The following UNC79 variants were observed in gnomAD, a reference collection of about 807,000 sequenced individuals.
The protein encoded by UNC79 is unc-79 subunit of NALCN channel complex, also known as protein unc-79 homolog.
Under a neutral mutation model 283.1 loss-of-function variants are expected in UNC79, and 37 were observed. That is an observed-to-expected ratio of 0.13 (90% CI 0.10 to 0.17). The LOEUF (loss-of-function observed/expected upper bound fraction) is 0.17. Among genes scored for constraint, UNC79 ranks in the 10% least tolerant of loss-of-function variants. UNC79 has a pLI of 1.00. For missense variants in UNC79, 2,272 were observed against 3,211.1 expected (o/e 0.71, Z 7.07); for synonymous variants, 1,107 against 1,200.2 (o/e 0.92, Z 1.61).
intron 40 of UNC79, among the ~76,000 whole-genome samples, chr14:93,672,078 T>G (rs1203174816): frequency 6.6e-6 from 1 of 152,198 alleles, no homozygotes; most frequent in Non-Finnish European, 1.5e-5. Context: ...TCTTGCGCCC[T>G]GTTGGTAGGA....
At chr14:93,630,034 TAATAAGAC>T (rs1386978108) in intron 30 of UNC79, among the ~76,000 whole-genome samples, 1 of 152,254 alleles carries the variant, frequency 6.6e-6, no homozygotes, top group Non-Finnish European at 1.5e-5. Flanking sequence ...ACTGATAGGT[TAATAAGAC>T]AATATTATAT....
intron 1 of UNC79, among the ~76,000 whole-genome samples, chr14:93,368,492 A>G (rs1325219028): frequency 6.6e-6 from 1 of 151,378 alleles, no homozygotes; most frequent in East Asian, 1.9e-4. Flanking sequence ...TTTTTTTTTG[A>G]GACATAGTCT....
chr14:93,484,449 A>G (rs1003617502), intron 4 of UNC79, among the ~76,000 whole-genome samples: 12 of 152,258 alleles, frequency 7.9e-5, no homozygotes, highest in African/African-American at 2.2e-4. Flanking sequence ...TGATAGTCAT[A>G]TAAGAGCTGT....
intron 1 of UNC79, among the ~76,000 whole-genome samples, chr14:93,456,506 CCA>C (rs1015289479): frequency 1.3e-5 from 2 of 152,056 alleles, no homozygotes; most frequent in African/African-American, 4.8e-5. Flanking sequence ...TGGCTCTAAT[CCA>C]ACAGAGGAAG....
chr14:93,360,887 T>G (rs978156885), intron 1 of UNC79, among the ~76,000 whole-genome samples: 2 of 152,050 alleles, frequency 1.3e-5, no homozygotes, highest in African/African-American at 4.8e-5. Flanking sequence ...AGGTGAAGGG[T>G]AAGTTGCTGC....
At chr14:93,414,685 G>A (rs1197301412) in intron 1 of UNC79, among the ~76,000 whole-genome samples, 3 of 152,046 alleles carry the variant, frequency 2.0e-5, no homozygotes, top group Admixed American at 6.6e-5. Flanking sequence ...CCATTTGTTT[G>A]TATCCTCTTT....
intron 1 of UNC79, among the ~76,000 whole-genome samples, chr14:93,343,693 T>G (rs1305636842): frequency 6.6e-6 from 1 of 152,174 alleles, no homozygotes; most frequent in Non-Finnish European, 1.5e-5. Flanking sequence ...TTCTAGAACT[T>G]TAACACCAGT....
chr14:93,333,423 A>C, exon 1 of UNC79: 1 of 398,458 alleles, frequency 2.5e-6, no homozygotes, highest in Non-Finnish European at 4.4e-6. Flanking sequence ...GGTCGCATGC[A>C]ATGAGTGCAT....
chr14:93,527,998 A>G (rs889571693), intron 8 of UNC79, among the ~76,000 whole-genome samples: 1 of 152,100 alleles, frequency 6.6e-6, no homozygotes, highest in Admixed American at 6.5e-5. Flanking sequence ...AAACACATGA[A>G]AAAGAAAGGT....
At chr14:93,700,015 T>C (rs1003401329) in intron 47 of UNC79, among the ~76,000 whole-genome samples, 1 of 152,064 alleles carries the variant, frequency 6.6e-6, no homozygotes, top group African/African-American at 2.4e-5. Context: ...TTTATTTTGC[T>C]TTCAATTTTG....
chr14:93,366,392 TC>T (rs1342862795), intron 1 of UNC79, among the ~76,000 whole-genome samples: 2 of 152,176 alleles, frequency 1.3e-5, no homozygotes, highest in Non-Finnish European at 2.9e-5. Context: ...ATGGGATGTA[TC>T]ATTGCTGGAG....
chr14:93,564,582 G>T (rs1378632193), intron 14 of UNC79, among the ~76,000 whole-genome samples: 1 of 152,190 alleles, frequency 6.6e-6, no homozygotes, highest in African/African-American at 2.4e-5. Flanking sequence ...TTTCACACGC[G>T]TCCATGTGAA....
chr14:93,572,091 A>C lies in UNC79; in HGVS notation c.1946+7A>C. 1 of 1,612,548 alleles carries C rather than the reference A, an allele frequency of 6.2e-7. No individual in the cohort carries two copies. The highest frequency in any genetic ancestry group is 1.1e-5 in the South Asian group (1 of 90,960). Reference sequence around the variant, plus strand: ...AATTCAGGGAAGTATTAAGGTGGGTAAGTAGTTTAATGAAGTCACTGTAAT... The same window carrying C: ...AATTCAGGGAAGTATTAAGGTGGGTCAGTAGTTTAATGAAGTCACTGTAAT... On this transcript the variant is annotated splice_region_variant and intron_variant, in intron 15 of 48. Coordinates refer to ENST00000555664, the Ensembl canonical transcript of UNC79.
Position 93,635,696 on chromosome 14 carries a change from A to G in UNC79, c.5717-1520A>G, listed in dbSNP as rs532877395. On this transcript the variant is annotated intron_variant, in intron 31 of 48. Coordinates refer to ENST00000555664, the Ensembl canonical transcript of UNC79. The stretch of plus-strand genomic sequence containing the variant: ...CAGCATACCCAATCTCACATTTAAC[A>G]GATAGTTTCAACTCTCCTGGACTTT... 2.0e-5 allele frequency among the ~76,000 whole-genome samples: 3 copies of G among 152,358 alleles called. No homozygotes were observed. The East Asian group carries it at 5.8e-4, about 29-fold the overall frequency.
intron 1 of UNC79, among the ~76,000 whole-genome samples, chr14:93,371,014 T>C (rs57294684): frequency 0.04 from 6,006 of 152,044 alleles, 408 homozygotes; most frequent in African/African-American, 0.14. Flanking sequence ...AAACTCCACA[T>C]CCAGGAAGCT....
chr14:93,704,523 C>T (rs937604134), intron 47 of UNC79, 102 bp from the exon 51 acceptor site: 9 of 1,342,248 alleles, frequency 6.7e-6, no homozygotes, highest in African/African-American at 4.3e-5. Context: ...CCGTGCGCGA[C>T]GTGAAAGGGA....
intron 34 of UNC79, among the ~76,000 whole-genome samples, chr14:93,645,240 A>G (rs2069469237): frequency 6.6e-6 from 1 of 152,228 alleles, no homozygotes; most frequent in Admixed American, 6.5e-5. Flanking sequence ...CATAAGTGAG[A>G]ACAATATGTG....
At chr14:93,456,407 G>T (rs1296478634) in intron 1 of UNC79, among the ~76,000 whole-genome samples, 1 of 152,030 alleles carries the variant, frequency 6.6e-6, no homozygotes, top group East Asian at 1.9e-4. Context: ...AAGAGTGGAA[G>T]GGGACAGATG....
chr14:93,472,069 G>T (rs1051893609), intron 2 of UNC79, among the ~76,000 whole-genome samples: 1 of 151,730 alleles, frequency 6.6e-6, no homozygotes, highest in Non-Finnish European at 1.5e-5. Context: ...ATTTTCTAAG[G>T]CAAAATGTTG....
Sources: gnomAD v4.1 joint callset for allele counts (sites outside exome capture counted in the v4.1 genomes callset) on GRCh38, gnomAD v4.1.1 for gene constraint, MANE v1.5 for transcripts, NCBI Gene and HGNC (gene_info 2026-07-23, HGNC 2026-07-21) for gene names.